DOCK3: variants seen among roughly 807,000 people sequenced by gnomAD.
The protein encoded by DOCK3 is dedicator of cytokinesis 3, also known as dedicator of cytokinesis protein 3.
Under a neutral mutation model 265.6 loss-of-function variants are expected in DOCK3, and 60 were observed. The observed-to-expected ratio is 0.23, with a 90% CI of 0.18 to 0.28. The LOEUF (loss-of-function observed/expected upper bound fraction) is 0.28, where lower values mean the gene tolerates loss of function less well. Among genes scored for constraint, DOCK3 ranks in the 10% least tolerant of loss-of-function variants. The probability of loss-of-function intolerance (pLI) is 1.00; values close to 1 mark genes in which losing one functional copy is unlikely to be tolerated. For missense variants in DOCK3, 1,981 were observed against 2,594.3 expected, an observed-to-expected ratio of 0.76 and a Z score of 5.14; for synonymous variants, 881 against 938.0, an observed-to-expected ratio of 0.94 and a Z score of 1.11.
In DOCK3 at chr3:50,885,444, A is replaced by G. The variant is rs9810177; in HGVS notation, c.163-4582A>G. ...CCTAGGTGTGTAATTGCTGGATCAT[A>G]TGGTAAGGCTATGTTTAGTTTTGTA... On this transcript the variant is annotated intron_variant, in intron 3 of 52. Transcript: ENST00000266037. Among the ~76,000 whole-genome samples the G allele has an allele frequency of 2.8e-3, 419 of 149,180 alleles. 1 individual carries two copies. The highest frequency in any genetic ancestry group is 9.9e-3 in the African/African-American group (401 of 40,398).
At chr3:51,017,766 C>T (rs2064830749) in intron 5 of DOCK3, among the ~76,000 whole-genome samples, 1 of 151,832 alleles carries the variant, frequency 6.6e-6, no homozygotes, top group African/African-American at 2.4e-5. Context: ...TATGGTCTAT[C>T]ATTGAGAATG....
At chr3:50,794,150 G>C (rs192321863) in intron 2 of DOCK3, among the ~76,000 whole-genome samples, 2 of 152,128 alleles carry the variant, frequency 1.3e-5, no homozygotes, top group Admixed American at 6.6e-5. Flanking sequence ...TTTTGTGTCC[G>C]AGTATGTGGT....
chr3:51,274,461 A>T (rs559618454), intron 24 of DOCK3, among the ~76,000 whole-genome samples: 1 of 152,276 alleles, frequency 6.6e-6, no homozygotes, highest in East Asian at 1.9e-4. Context: ...TGTGCTTCTA[A>T]TTTGGAGTCT....
At chr3:50,907,832 G>A (rs2049615123) in intron 4 of DOCK3, among the ~76,000 whole-genome samples, 1 of 151,884 alleles carries the variant, frequency 6.6e-6, no homozygotes, top group Admixed American at 6.6e-5. Context: ...TGTGCCTCTG[G>A]TAGAATTGAG....
At chr3:51,185,671 G>A (rs947432586) in intron 12 of DOCK3, among the ~76,000 whole-genome samples, 54 of 152,118 alleles carry the variant, frequency 3.5e-4, no homozygotes, top group African/African-American at 1.3e-3. Flanking sequence ...CCCATGTGTT[G>A]TGGGAGGGAC....
intron 2 of DOCK3, among the ~76,000 whole-genome samples, chr3:50,796,625 A>G (rs1576459559): frequency 6.6e-6 from 1 of 152,344 alleles, no homozygotes; most frequent in South Asian, 2.1e-4. Context: ...GGCGTGAGCC[A>G]CCGCGTCCAG....
chr3:50,748,830 A>C (rs1416106096), intron 1 of DOCK3, among the ~76,000 whole-genome samples: 2 of 152,200 alleles, frequency 1.3e-5, no homozygotes, highest in Non-Finnish European at 2.9e-5. Flanking sequence ...TGAAAATTTA[A>C]TTACTTGGTA....
chr3:50,701,077 A>G (rs1305711917), intron 1 of DOCK3, among the ~76,000 whole-genome samples: 3 of 147,720 alleles, frequency 2.0e-5, no homozygotes, highest in African/African-American at 5.0e-5. Context: ...CCAACTGGCC[A>G]TTTGTATGTT....
chr3:50,810,134 C>T (rs190060525), intron 2 of DOCK3, among the ~76,000 whole-genome samples: 3 of 152,062 alleles, frequency 2.0e-5, no homozygotes, highest in African/African-American at 7.2e-5. Context: ...GAACCTGTCT[C>T]AAAAAAATCT....
At chr3:51,151,397 C>G (rs1209573437) in intron 10 of DOCK3, among the ~76,000 whole-genome samples, 1 of 152,158 alleles carries the variant, frequency 6.6e-6, no homozygotes, top group African/African-American at 2.4e-5. Context: ...GCATCAACAT[C>G]AACCAAAAGG....
At chr3:51,084,244 C>T (rs1288162643) in intron 7 of DOCK3, among the ~76,000 whole-genome samples, 1 of 151,830 alleles carries the variant, frequency 6.6e-6, no homozygotes, top group Non-Finnish European at 1.5e-5. Flanking sequence ...CTCAAATATC[C>T]CCAAATAGAT....
intron 4 of DOCK3, among the ~76,000 whole-genome samples, chr3:50,925,824 C>CTTTTT (rs368819970): frequency 3.6e-4 from 32 of 88,422 alleles, no homozygotes; most frequent in Non-Finnish European, 5.4e-4. Context: ...TAAAACTAGT[C>CTTTTT]TTTTTTTTTT....
chr3:50,800,511 A>G (rs2043018514), intron 2 of DOCK3, among the ~76,000 whole-genome samples: 1 of 151,884 alleles, frequency 6.6e-6, no homozygotes, highest in African/African-American at 2.4e-5. Context: ...TTGTATTTCC[A>G]TGGCTCCTGT....
At chr3:51,214,010 A>G (rs2108218118) in intron 13 of DOCK3, 112 bp from the exon 14 acceptor site, 4 of 1,455,182 alleles carry the variant, frequency 2.7e-6, no homozygotes, top group Non-Finnish European at 3.7e-6. Flanking sequence ...GTTTTTCTCA[A>G]GAATTTTGCT....
At chr3:50,781,402 A>G (rs1371079059) in intron 2 of DOCK3, among the ~76,000 whole-genome samples, 4 of 150,394 alleles carry the variant, frequency 2.7e-5, no homozygotes, top group Non-Finnish European at 5.9e-5. Context: ...AGTGGCTGGG[A>G]CTACAGGTGC....
rs920824332 is a variant in DOCK3, at chr3:50,863,010, C to T, written c.162+21295C>T. On this transcript the variant is annotated intron_variant, in intron 3 of 52. Coordinates refer to ENST00000266037, the MANE Select transcript of DOCK3 (RefSeq NM_004947.5). Reference sequence around the variant, plus strand: ...GAGGGCCCATTCTCCACAGCCATTTCCGGGTGTTGGTGCTGGCCCCCGCAG... The same window carrying T: ...GAGGGCCCATTCTCCACAGCCATTTTCGGGTGTTGGTGCTGGCCCCCGCAG... 3.3e-5 allele frequency among the ~76,000 whole-genome samples: 5 copies of T among 152,334 alleles called. 1 individual carries two copies. In the East Asian group the frequency reaches 9.7e-4, roughly 29 times the overall value.
intron 6 of DOCK3, among the ~76,000 whole-genome samples, chr3:51,065,904 A>T (rs1226874406): frequency 1.3e-5 from 2 of 152,236 alleles, no homozygotes; most frequent in African/African-American, 4.8e-5. Flanking sequence ...TTAACAAAAC[A>T]CCTGTACACA....
chr3:50,977,863 A>G (rs2077521315), intron 5 of DOCK3, among the ~76,000 whole-genome samples: 4 of 151,296 alleles, frequency 2.6e-5, no homozygotes. Context: ...TTTTTTCTCT[A>G]AACTTCCCTT....
intron 49 of DOCK3, among the ~76,000 whole-genome samples, chr3:51,372,364 G>A (rs1165355125): frequency 1.3e-5 from 2 of 152,198 alleles, no homozygotes; most frequent in South Asian, 2.1e-4. Flanking sequence ...GCAGGGGGAG[G>A]GAAGTGAAGT....
Sources: allele counts gnomAD v4.1 joint callset (sites outside exome capture counted in the v4.1 genomes callset), GRCh38; gene constraint gnomAD v4.1.1; transcripts MANE v1.5; gene names NCBI Gene and HGNC (gene_info 2026-07-23, HGNC 2026-07-21).